The following MRTFA variants were observed in gnomAD, a reference collection of about 807,000 sequenced individuals.
MRTFA encodes myocardin-related transcription factor A.
In MRTFA, 20 loss-of-function variants were observed where a neutral mutation model predicts 83.5. The ratio of observed to expected loss-of-function variants is 0.24; its 90% confidence interval spans 0.17 to 0.35. MRTFA has a LOEUF of 0.35. Among genes scored for constraint, MRTFA ranks in the 10% least tolerant of loss-of-function variants. The probability of loss-of-function intolerance (pLI) is 1.00; values close to 1 mark genes in which losing one functional copy is unlikely to be tolerated. For missense variants in MRTFA, 1,200 were observed against 1,224.7 expected (o/e 0.98, Z 0.30); for synonymous variants, 659 against 541.2 (o/e 1.22, Z -3.02).
chr22:40,451,633 C>A (rs1461396244), intron 4 of MRTFA, among the ~76,000 whole-genome samples: 1 of 152,128 alleles, frequency 6.6e-6, no homozygotes, highest in Non-Finnish European at 1.5e-5. Flanking sequence ...GGTGAGCACA[C>A]AATCTCATTT....
chr22:40,590,472 G>C (rs2056103742), intron 2 of MRTFA, among the ~76,000 whole-genome samples: 1 of 151,858 alleles, frequency 6.6e-6, no homozygotes, highest in Admixed American at 6.6e-5. Context: ...TTTGAGACCA[G>C]CCTGGCCAAC....
intron 3 of MRTFA, among the ~76,000 whole-genome samples, chr22:40,540,393 C>T (rs1212631587): frequency 2.0e-5 from 3 of 152,140 alleles, no homozygotes; most frequent in African/African-American, 7.2e-5. Context: ...ATCCCTGGCA[C>T]TCTCCCCACC....
chr22:40,470,712 G>A (rs184412066), intron 3 of MRTFA, among the ~76,000 whole-genome samples: 22 of 152,136 alleles, frequency 1.4e-4, no homozygotes, highest in South Asian at 6.2e-4. Context: ...ACTTTGGGAC[G>A]CCGAGAAAGG....
intron 1 of MRTFA, among the ~76,000 whole-genome samples, chr22:40,609,758 G>A (rs897694297): frequency 3.9e-5 from 6 of 152,110 alleles, no homozygotes; most frequent in Admixed American, 1.3e-4. Flanking sequence ...TTGAACCCGG[G>A]CAGCGGAGGT....
intron 3 of MRTFA, among the ~76,000 whole-genome samples, chr22:40,483,588 G>A (rs1197676525): frequency 6.6e-6 from 1 of 151,728 alleles, no homozygotes; most frequent in Non-Finnish European, 1.5e-5. Context: ...GGGAGGCTGA[G>A]GCAGGAGAAT....
chr22:40,525,916 C>T (rs1264670095), intron 3 of MRTFA, among the ~76,000 whole-genome samples: 1 of 151,706 alleles, frequency 6.6e-6, no homozygotes, highest in East Asian at 1.9e-4. Flanking sequence ...AACCAATAAA[C>T]AAATGAACTA....
intron 10 of MRTFA, 118 bp downstream of exon 10, chr22:40,420,729 A>G (rs2052816312): frequency 1.3e-6 from 2 of 1,548,748 alleles, no homozygotes; most frequent in Admixed American, 3.5e-5. Flanking sequence ...ACCACTCTGT[A>G]GCATCCAGAC....
At chr22:40,437,047 G>A (rs1451772857) in intron 4 of MRTFA, among the ~76,000 whole-genome samples, 1 of 152,130 alleles carries the variant, frequency 6.6e-6, no homozygotes, top group Admixed American at 6.5e-5. Flanking sequence ...AGATAAAAAA[G>A]AAACTACAGT....
intron 2 of MRTFA, among the ~76,000 whole-genome samples, chr22:40,555,388 T>C (rs1360869705): frequency 6.6e-6 from 1 of 152,110 alleles, no homozygotes; most frequent in East Asian, 1.9e-4. Context: ...CACATGGTAG[T>C]GAGTGAGTTC....
chr22:40,417,258 C>A, intron 13 of MRTFA, 83 bp downstream of exon 13: 2 of 1,539,678 alleles, frequency 1.3e-6, no homozygotes, highest in South Asian at 1.2e-5. Flanking sequence ...GCCCCCTATT[C>A]CTCCGGGTGG....
intron 3 of MRTFA, among the ~76,000 whole-genome samples, chr22:40,505,131 G>A (rs188569227): frequency 5.3e-5 from 8 of 152,278 alleles, no homozygotes; most frequent in African/African-American, 1.9e-4. Context: ...TTCAACAGAT[G>A]CTCACAAATT....
intron 3 of MRTFA, among the ~76,000 whole-genome samples, chr22:40,516,425 A>G (rs2054759789): frequency 8.5e-6 from 1 of 118,200 alleles, no homozygotes; most frequent in Non-Finnish European, 1.9e-5. Flanking sequence ...GCCTCAAGAA[A>G]AAAAAAAAAA....
At chr22:40,432,061 T>C (rs1050066344) in intron 5 of MRTFA, among the ~76,000 whole-genome samples, 4 of 151,964 alleles carry the variant, frequency 2.6e-5, no homozygotes, top group African/African-American at 9.7e-5. Flanking sequence ...GCCTGGCCAA[T>C]GTGGTGAAAC....
In MRTFA at chr22:40,437,499, C is replaced by T. The variant is rs147674256; in HGVS notation, c.308-1945G>A. On this transcript the variant is annotated intron_variant, in intron 4 of 14. Coordinates refer to ENST00000355630, the MANE Select transcript of MRTFA (RefSeq NM_020831.6). ...GTATCTGGCTGGGCATGGTGGCTCA[C>T]GCCTGCAATCCCAGCACTTTGGGAA... is the stretch of plus-strand genomic sequence containing the variant. Among the ~76,000 whole-genome samples the T allele has an allele frequency of 1.1e-3, 174 of 152,268 alleles. 1 individual carries two copies. The highest frequency in any genetic ancestry group is 1.7e-3 in the Non-Finnish European group (115 of 68,020).
At chr22:40,496,897 G>A (rs949807630) in intron 3 of MRTFA, among the ~76,000 whole-genome samples, 1 of 152,174 alleles carries the variant, frequency 6.6e-6, no homozygotes, top group Non-Finnish European at 1.5e-5. Flanking sequence ...CTCTACAAAG[G>A]AGTGGCTGGA....
At chr22:40,559,324 G>A (rs956884933) in intron 2 of MRTFA, among the ~76,000 whole-genome samples, 24 of 152,158 alleles carry the variant, frequency 1.6e-4, no homozygotes, top group Non-Finnish European at 5.9e-5. Context: ...GGAGGCTGAG[G>A]CTGCAGTGAG....
intron 12 of MRTFA, 104 bp from the exon 13 acceptor site, chr22:40,417,597 C>G (rs2052712892): frequency 2.7e-6 from 2 of 751,844 alleles, no homozygotes; most frequent in Admixed American, 2.9e-5. Context: ...CTCTCACACT[C>G]TAGGAGGGAA....
chr22:40,424,425 A>T lies in MRTFA; in HGVS notation c.602-44T>A. On this transcript the variant is annotated intron_variant, in intron 7 of 14. Coordinates refer to ENST00000355630, the MANE Select transcript of MRTFA (RefSeq NM_020831.6). ...GTGAGATTCCACTTCCAGCCCAGGG[A>T]ACAGATGAGCAGGGACAGGCCTGGC... The T allele has an allele frequency of 1.3e-6, 2 of 1,599,828 alleles. 1 individual carries two copies. Among genetic ancestry groups the T allele is most frequent in the South Asian group, 2.2e-5 (2 of 89,814 alleles).
At chr22:40,463,446 G>A (rs2053752052) in intron 3 of MRTFA, 160 bp from the exon 4 acceptor site, 1 of 607,098 alleles carries the variant, frequency 1.6e-6, no homozygotes, top group Non-Finnish European at 3.0e-6. Flanking sequence ...GAAGTGGCCT[G>A]ATACAGCAGA....
Sources: allele counts gnomAD v4.1 joint callset (sites outside exome capture counted in the v4.1 genomes callset), GRCh38; gene constraint gnomAD v4.1.1; transcripts MANE v1.5; gene names NCBI Gene and HGNC (gene_info 2026-07-23, HGNC 2026-07-21).